The following MARCHF10 variants were observed in gnomAD, a reference collection of about 807,000 sequenced individuals.
MARCHF10 encodes probable E3 ubiquitin-protein ligase MARCHF10.
MARCHF10 carries 64 observed loss-of-function variants against 76.2 expected under a neutral mutation model. The observed-to-expected ratio is 0.84, with a 90% CI of 0.69 to 1.03. The LOEUF is 1.03. Among genes scored for constraint, MARCHF10 ranks in the 50% least tolerant of loss-of-function variants. The pLI, the probability that MARCHF10 is intolerant of heterozygous loss-of-function variation, is 0.00. For synonymous variants in MARCHF10, 340 were observed against 357.5 expected, an observed-to-expected ratio of 0.95 and a Z score of 0.55; for missense variants, 875 against 958.0, an observed-to-expected ratio of 0.91 and a Z score of 1.14.
In MARCHF10 at chr17:62,737,323, A is replaced by G; in HGVS notation, c.545T>C (p.Val182Ala). The stretch of plus-strand genomic sequence containing the variant: ...GTTACACATCAGGCCTTCTTGTTGA[A>G]CTACTTGATCTGCATTGAGAAAAGA... ...VPVPRGADQV[V>A]QQEGLMCNTK... is the part of the protein sequence containing the mutation. The change falls in exon 6 of 11, where the codon GTT (valine) becomes GCT (alanine). Residue 182 changes from valine to alanine, a missense_variant. Coordinates refer to ENST00000311269, the MANE Select transcript of MARCHF10 (RefSeq NM_152598.4). The G allele has an allele frequency of 6.2e-7, 1 of 1,608,826 alleles. No homozygotes were observed. The highest frequency in any genetic ancestry group is 8.5e-7 in the Non-Finnish European group (1 of 1,178,920).
intron 6 of MARCHF10, chr17:62,735,427 C>T (rs750343520): frequency 1.3e-5 from 2 of 153,106 alleles, no homozygotes; most frequent in African/African-American, 2.4e-5. Flanking sequence ...GTTACCCCAG[C>T]GTGGCCCTTC....
Position 62,736,552 on chromosome 17 carries a change from T to C in MARCHF10, c.1316A>G (p.Tyr439Cys), listed in dbSNP as rs757520711. 1 of 1,614,216 alleles carries C rather than the reference T, an allele frequency of 6.2e-7. No homozygotes were observed. The highest frequency in any genetic ancestry group is 1.3e-5 in the African/African-American group (1 of 75,044). ...HRPGTHDSEG[Y>C]WKDYLNSSQN... is the part of the protein sequence containing the mutation. ...AGAACTGTTTAAATAGTCTTTCCAG[T>C]ATCCTTCAGAATCATGGGTGCCAGG... Residue 439 changes from tyrosine to cysteine, a missense_variant, in exon 6 of 11, where the codon TAC (tyrosine) becomes TGC (cysteine). Physicochemically the swap from Tyr to Cys is radical, Grantham distance 194. Coordinates refer to ENST00000311269, the MANE Select transcript of MARCHF10 (RefSeq NM_152598.4).
chr17:62,777,137 A>G (rs1469572018), intron 3 of MARCHF10, among the ~76,000 whole-genome samples: 1 of 152,170 alleles, frequency 6.6e-6, no homozygotes, highest in Non-Finnish European at 1.5e-5. Flanking sequence ...AAGGATCCCT[A>G]TTCTGGCTAT....
chr17:62,791,843 G>A (rs891300470), intron 2 of MARCHF10, among the ~76,000 whole-genome samples: 1 of 152,070 alleles, frequency 6.6e-6, no homozygotes, highest in African/African-American at 2.4e-5. Flanking sequence ...GGGGCGGGTG[G>A]GGGGAGCCTA....
intron 8 of MARCHF10, among the ~76,000 whole-genome samples, chr17:62,719,869 CCAA>C (rs1349163955): frequency 6.6e-6 from 1 of 151,816 alleles, no homozygotes; most frequent in African/African-American, 2.4e-5. Context: ...TTCTTTTTTT[CCAA>C]TCTTTGTTCT....
intron 3 of MARCHF10, among the ~76,000 whole-genome samples, chr17:62,785,869 A>G (rs1013856409): frequency 2.0e-5 from 3 of 152,224 alleles, no homozygotes; most frequent in Admixed American, 6.5e-5. Context: ...TTAAAATGTC[A>G]GGAAACAACA....
chr17:62,803,889 A>G (rs1364273962), intron 1 of MARCHF10, among the ~76,000 whole-genome samples: 1 of 152,118 alleles, frequency 6.6e-6, no homozygotes, highest in East Asian at 1.9e-4. Context: ...AACTCATTCA[A>G]TCTTCTCAAC....
chr17:62,741,008 G>A (rs1488670450), intron 5 of MARCHF10, among the ~76,000 whole-genome samples: 3 of 152,066 alleles, frequency 2.0e-5, no homozygotes, highest in South Asian at 2.1e-4. Context: ...TCCATAACCC[G>A]TTATGCATCT....
chr17:62,725,841 C>T (rs1444391317), intron 6 of MARCHF10, among the ~76,000 whole-genome samples: 2 of 152,204 alleles, frequency 1.3e-5, no homozygotes, highest in African/African-American at 2.4e-5. Flanking sequence ...CCTTAATCTT[C>T]CCAAGACCCT....
At chr17:62,721,745 T>A (rs2090497260) in intron 8 of MARCHF10, among the ~76,000 whole-genome samples, 1 of 152,214 alleles carries the variant, frequency 6.6e-6, no homozygotes, top group African/African-American at 2.4e-5. Context: ...GGCATTTACC[T>A]CATGTTCATT....
chr17:62,792,139 AGTGC>A (rs1417457549), intron 2 of MARCHF10, among the ~76,000 whole-genome samples: 2 of 151,322 alleles, frequency 1.3e-5, no homozygotes, highest in Non-Finnish European at 2.9e-5. Flanking sequence ...CCACCCCCCT[AGTGC>A]GTCCCCCTGA....
chr17:62,769,771 C>A (rs966415677), intron 3 of MARCHF10, among the ~76,000 whole-genome samples: 3 of 152,182 alleles, frequency 2.0e-5, no homozygotes, highest in African/African-American at 7.2e-5. Flanking sequence ...GAAGTATTTT[C>A]TTCCCCTTCC....
At position 62,775,283 on chromosome 17, in the gene MARCHF10, G is replaced by A. The variant is rs141935489; in HGVS notation, c.210+13197C>T. ...TGGGATTATAGGCACCCACCACCAC[G>A]CCCAGCTTATTTTTGTATTTTTAGT... On this transcript the variant is annotated intron_variant, in intron 3 of 10. Coordinates refer to ENST00000311269, the MANE Select transcript of MARCHF10 (RefSeq NM_152598.4). Among the ~76,000 whole-genome samples the A allele has an allele frequency of 7.9e-3, 1,204 of 151,716 alleles. 21 individuals carry two copies. Among genetic ancestry groups the A allele is most frequent in the African/African-American group, 0.026 (1,082 of 41,414 alleles).
rs552872747 is a variant in MARCHF10 at position 62,737,335 on chromosome 17, G to A, written c.536-3C>T. The A allele has an allele frequency of 6.2e-7, 1 of 1,602,908 alleles. No individual in the cohort carries two copies. Among genetic ancestry groups the A allele is most frequent in the East Asian group, 2.2e-5 (1 of 44,844 alleles). On this transcript the variant is annotated splice_region_variant and splice_polypyrimidine_tract_variant and intron_variant, in intron 5 of 10. Transcript: ENST00000311269. Reference sequence around the variant, plus strand: ...GCCTTCTTGTTGAACTACTTGATCTGCATTGAGAAAAGACACATTTATCGT... The same window carrying A: ...GCCTTCTTGTTGAACTACTTGATCTACATTGAGAAAAGACACATTTATCGT...
chr17:62,736,177 A>T lies in MARCHF10; in HGVS notation c.1691T>A (p.Leu564Gln), dbSNP rs2091252911. 3.7e-6 allele frequency: 6 copies of T among 1,614,246 alleles called. No homozygotes were observed. Among genetic ancestry groups the T allele is most frequent in the Non-Finnish European group, 5.1e-6 (6 of 1,180,038 alleles). The part of the protein sequence containing the change: ...QGAPLYTDLL[L>Q]NPQGNLSLVD... ...TAAGGACAAATTGCCCTGTGGATTT[A>T]GTAAGAGATCTGTATATAGTGGAGC... The change falls in exon 6 of 11, where the codon CTA becomes CAA. Residue 564 changes from leucine (L) to glutamine (Q), a missense_variant. By Grantham distance (113) the Leu-to-Gln change is moderately radical. Coordinates refer to ENST00000311269, the MANE Select transcript of MARCHF10 (RefSeq NM_152598.4).
intron 3 of MARCHF10, among the ~76,000 whole-genome samples, chr17:62,768,374 C>T (rs900162836): frequency 7.9e-5 from 12 of 152,190 alleles, no homozygotes; most frequent in South Asian, 4.2e-4. Flanking sequence ...AAAAATTAGC[C>T]GGGCATGGTG....
chr17:62,788,940 G>A (rs1198793300), intron 2 of MARCHF10, among the ~76,000 whole-genome samples: 2 of 151,508 alleles, frequency 1.3e-5, no homozygotes, highest in Non-Finnish European at 2.9e-5. Context: ...GCGGGCGCCT[G>A]TAGTCCCAGC....
intron 6 of MARCHF10, among the ~76,000 whole-genome samples, chr17:62,726,785 C>T (rs1599113191): frequency 6.6e-6 from 1 of 152,140 alleles, no homozygotes; most frequent in African/African-American, 2.4e-5. Flanking sequence ...TGCACCACCA[C>T]ACCTGGCTAA....
At chr17:62,745,816 A>G (rs1436899269) in intron 4 of MARCHF10, among the ~76,000 whole-genome samples, 1 of 152,228 alleles carries the variant, frequency 6.6e-6, no homozygotes, top group Non-Finnish European at 1.5e-5. Context: ...AGTGCACGTG[A>G]ATGTGGAGGA....
Sources: gnomAD v4.1 joint callset for allele counts (sites outside exome capture counted in the v4.1 genomes callset) on GRCh38, gnomAD v4.1.1 for gene constraint, MANE v1.5 for transcripts, NCBI Gene and HGNC (gene_info 2026-07-23, HGNC 2026-07-21) for gene names.